Variants in ARHGEF16 observed in about 807,000 individuals in gnomAD.
ARHGEF16 encodes the protein Rho guanine exchange factor (GEF) 16.
In ARHGEF16, 59 loss-of-function variants were observed where a neutral mutation model predicts 74.1. The observed-to-expected ratio is 0.80, with a 90% CI of 0.65 to 0.99. The LOEUF (loss-of-function observed/expected upper bound fraction) is 0.99. Among genes scored for constraint, ARHGEF16 ranks in the 50% least tolerant of loss-of-function variants. The pLI, the probability that ARHGEF16 is intolerant of heterozygous loss-of-function variation, is 0.00. For missense variants in ARHGEF16, 948 were observed against 986.6 expected (o/e 0.96, Z 0.52); for synonymous variants, 415 against 412.6 (o/e 1.01, Z -0.07).
chr1:3,473,608 C>G, intron 8 of ARHGEF16, 86 bp downstream of exon 8: 7 of 1,572,186 alleles, frequency 4.5e-6, no homozygotes, highest in Non-Finnish European at 6.0e-6. Flanking sequence ...GCATTACGTG[C>G]TTGTGACCTT....
At chr1:3,464,217 G>A (rs1639480673) in intron 2 of ARHGEF16, among the ~76,000 whole-genome samples, 1 of 152,220 alleles carries the variant, frequency 6.6e-6, no homozygotes, top group Admixed American at 6.5e-5. Flanking sequence ...GGTGGCGGCA[G>A]ACCCTTTGCT....
Position 3,480,494 on chromosome 1 carries a change from C to T in ARHGEF16, c.2037C>T (p.Phe679=). The part of the protein sequence containing the change: ...ERLRDGETGW[F]PEDFARFITS... The stretch of plus-strand genomic sequence containing the variant: ...TCCGGGACGGAGAGACGGGATGGTT[C>T]CCCGAGGACTTTGCCCGCTTCATCA... Residue 679 remains phenylalanine (F), a synonymous_variant, in exon 15 of 15, where the codon TTC becomes TTT. Coordinates refer to ENST00000378378, the MANE Select transcript of ARHGEF16 (RefSeq NM_014448.4). 1 of 1,612,606 alleles carries T rather than the reference C, an allele frequency of 6.2e-7. No homozygotes were observed.
intron 1 of ARHGEF16, among the ~76,000 whole-genome samples, chr1:3,455,618 C>A (rs552350707): frequency 6.6e-6 from 1 of 152,138 alleles, no homozygotes; most frequent in African/African-American, 2.4e-5. Flanking sequence ...AGGCCTGAAT[C>A]TTCTCTGTGT....
intron 2 of ARHGEF16, among the ~76,000 whole-genome samples, chr1:3,464,651 G>C (rs1639493258): frequency 6.6e-6 from 1 of 152,222 alleles, no homozygotes; most frequent in East Asian, 1.9e-4. Context: ...AAGCATATGG[G>C]CTGCCTCAGT....
At position 3,480,561 on chromosome 1, in the gene ARHGEF16, C is replaced by T. The variant is rs776339132; in HGVS notation, c.2104C>T (p.Arg702Cys). 5 of 1,609,654 alleles carry T rather than the reference C, an allele frequency of 3.1e-6. No homozygotes were observed. The highest frequency in any genetic ancestry group is 1.7e-5 in the Admixed American group (1 of 59,988). The change falls in exon 15 of 15, where the codon CGT (arginine) becomes TGT (cysteine). Residue 702 changes from arginine to cysteine, a missense_variant. Transcript: ENST00000378378. The stretch of plus-strand genomic sequence containing the variant: ...GGAGGGCAATGTCCGCAGGATGGAG[C>T]GTCTGCGGGTGGAGACGGACGTGTA... The part of the protein sequence containing the change: ...AVEGNVRRME[R>C]LRVETDV
Position 3,463,676 on chromosome 1 carries a change from G to C in ARHGEF16, c.588+4G>C. 4 of 1,412,864 alleles carry C rather than the reference G, an allele frequency of 2.8e-6. No homozygotes were observed. In the South Asian group the frequency reaches 7.1e-5, roughly 25 times the overall value. The allele number at this position is 1,412,864 out of a possible 1,614,324, so 87.5% of individuals were successfully genotyped here. ...TCGGAGCCCGGCCAAAAACAAGGTA[G>C]GGGCCTGCTCGTGTGGACCGTGGGG... On this transcript the variant is annotated splice_donor_region_variant and intron_variant, in intron 2 of 14. Transcript: ENST00000378378.
chr1:3,467,604 C>G (rs1639584891), intron 4 of ARHGEF16, among the ~76,000 whole-genome samples: 1 of 152,232 alleles, frequency 6.6e-6, no homozygotes, highest in Non-Finnish European at 1.5e-5. Flanking sequence ...CTTCAGGGAG[C>G]TGCGGGCGCC....
chr1:3,469,429 A>C lies in ARHGEF16; in HGVS notation c.862-4A>C, dbSNP rs761313190. 1 of 1,612,496 alleles carries C rather than the reference A, an allele frequency of 6.2e-7. No homozygotes were observed. The highest frequency in any genetic ancestry group is 1.1e-5 in the South Asian group (1 of 91,052). On this transcript the variant is annotated splice_polypyrimidine_tract_variant and splice_region_variant and intron_variant, in intron 5 of 14. Coordinates refer to ENST00000378378, the MANE Select transcript of ARHGEF16 (RefSeq NM_014448.4). ...GTGGGGCTCACCTAGGCCCCTCTCCACAGGCCATGTTCGAGATCCTCACGT... is the reference window on the plus strand; with the variant it reads ...GTGGGGCTCACCTAGGCCCCTCTCCCCAGGCCATGTTCGAGATCCTCACGT...
At position 3,479,569 on chromosome 1, in the gene ARHGEF16, CA is replaced by C. The variant is rs1052099803; in HGVS notation, c.1868del (p.Gln623ArgfsTer195). 6.2e-7 allele frequency: 1 copy of C among 1,612,296 alleles called. No homozygotes were observed. The highest frequency in any genetic ancestry group is 8.5e-7 in the Non-Finnish European group (1 of 1,179,768). On this transcript the variant is annotated frameshift_variant, in exon 13 of 15. Transcript: ENST00000378378. LOFTEE classifies it high-confidence loss of function. Reference protein sequence around the residue: ...VALTHSERQWQGLSSKGDLPQ... With the variant: ...VALTHSERQWXGLSSKGDLPQ... ...GCTCACACACAGTGAGAGACAGTGGCAGGGCCTCTCCAGCAAAGGAGGTGAG... is the reference window on the plus strand; with the variant it reads ...GCTCACACACAGTGAGAGACAGTGGCGGGCCTCTCCAGCAAAGGAGGTGAG...
intron 1 of ARHGEF16, among the ~76,000 whole-genome samples, chr1:3,458,594 A>C (rs773716174): frequency 2.9e-4 from 44 of 152,244 alleles, no homozygotes; most frequent in Non-Finnish European, 5.0e-4. Flanking sequence ...ACCTGTGCTC[A>C]GGGTGTGTGC....
At chr1:3,462,931 C>A (rs1394470207) in intron 1 of ARHGEF16, 135 bp from the exon 2 acceptor site, 1 of 556,834 alleles carries the variant, frequency 1.8e-6, no homozygotes, top group East Asian at 3.0e-5. Context: ...CTGGCTGCGT[C>A]GCTGTCCTTG....
At chr1:3,464,329 C>G (rs1338117379) in intron 2 of ARHGEF16, among the ~76,000 whole-genome samples, 1 of 152,198 alleles carries the variant, frequency 6.6e-6, no homozygotes, top group Non-Finnish European at 1.5e-5. Flanking sequence ...GAGTCACCAT[C>G]CCCTGCGGCT....
Position 3,468,457 on chromosome 1 carries a change from C to T in ARHGEF16, c.805-423C>T. 2.4e-5 allele frequency: 5 copies of T among 211,990 alleles called. No homozygotes were observed. In the South Asian group the frequency reaches 3.2e-4, roughly 14 times the overall value. The allele number at this position is 211,990 out of a possible 1,614,324, so 13.1% of individuals were successfully genotyped here. On this transcript the variant is annotated intron_variant, in intron 4 of 14. Coordinates refer to ENST00000378378, the MANE Select transcript of ARHGEF16 (RefSeq NM_014448.4). ...GAGCCCGGGCGGAAACAGCGTCACC[C>T]ATAGCTTCCAGGCAGGGCACTGACT...
At chr1:3,465,856 C>T (rs996868129) in intron 2 of ARHGEF16, 1 of 426,340 alleles carries the variant, frequency 2.3e-6, no homozygotes, top group Admixed American at 4.5e-5. Flanking sequence ...CTCCCAACCT[C>T]ACCTGCCCTG....
Position 3,463,339 on chromosome 1 carries a change from C to G in ARHGEF16, c.255C>G (p.Thr85=). The G allele has an allele frequency of 6.5e-7, 1 of 1,550,272 alleles. No homozygotes were observed. Among genetic ancestry groups the G allele is most frequent in the Non-Finnish European group, 8.7e-7 (1 of 1,146,914 alleles). The change falls in exon 2 of 15, where the codon ACC becomes ACG. Residue 85 remains threonine, a synonymous_variant. Coordinates refer to ENST00000378378, the MANE Select transcript of ARHGEF16 (RefSeq NM_014448.4). ...TESPAALKLG[T]QQLIPKSLAV... is the part of the protein sequence containing the mutation. ...GCCCGGCGGCCCTCAAGCTGGGCAC[C>G]CAACAGCTGATCCCTAAGAGCCTGG... is the stretch of plus-strand genomic sequence containing the variant.
At chr1:3,466,900 GC>G (rs1303775325) in intron 3 of ARHGEF16, 2 of 389,208 alleles carry the variant, frequency 5.1e-6, no homozygotes, top group African/African-American at 4.1e-5. Context: ...CAGCAGCGAT[GC>G]CCCACGTCTC....
chr1:3,468,692 A>T (rs1891143), intron 4 of ARHGEF16, 188 bp from the exon 5 acceptor site: 1 of 655,250 alleles, frequency 1.5e-6, no homozygotes, highest in Non-Finnish European at 2.7e-6. Context: ...AAGGCGGGTT[A>T]CACAGAGAGG....
intron 1 of ARHGEF16, among the ~76,000 whole-genome samples, chr1:3,459,393 A>C (rs543621547): frequency 1.3e-5 from 2 of 152,114 alleles, no homozygotes; most frequent in Non-Finnish European, 2.9e-5. Flanking sequence ...AACCATCTAC[A>C]GTGGGAATGC....
intron 6 of ARHGEF16, 32 bp from the exon 7 acceptor site, chr1:3,473,046 G>C: frequency 6.2e-7 from 1 of 1,603,790 alleles, no homozygotes; most frequent in East Asian, 2.2e-5. Flanking sequence ...CACCAGGCCC[G>C]TGGCACCCTC....
Sources: gnomAD v4.1 joint callset for allele counts (sites outside exome capture counted in the v4.1 genomes callset) on GRCh38, gnomAD v4.1.1 for gene constraint, MANE v1.5 for transcripts, NCBI Gene and HGNC (gene_info 2026-07-23, HGNC 2026-07-21) for gene names.